The following RUFY3 variants were observed in gnomAD, a reference collection of about 807,000 sequenced individuals.
RUFY3 encodes the protein RUN and FYVE domain containing 3, also known as protein RUFY3.
RUFY3 carries 34 observed loss-of-function variants against 84.0 expected under a neutral mutation model. The observed-to-expected ratio is 0.40, with a 90% CI of 0.31 to 0.54. The LOEUF is 0.54. Among genes scored for constraint, RUFY3 ranks in the 20% least tolerant of loss-of-function variants. The pLI is 0.39. For synonymous variants in RUFY3, 242 were observed against 252.9 expected (o/e 0.96, Z 0.41); for missense variants, 507 against 736.8 (o/e 0.69, Z 3.61).
chr4:70,785,457 G>A (rs1016928557), intron 10 of RUFY3, among the ~76,000 whole-genome samples: 2 of 152,184 alleles, frequency 1.3e-5, no homozygotes, highest in Admixed American at 1.3e-4. Context: ...CAAGGATGTA[G>A]AGAAAGAGAA....
In RUFY3 at chr4:70,763,060, G is replaced by A. The variant is rs550949855; in HGVS notation, c.352+368G>A. Among the ~76,000 whole-genome samples the A allele has an allele frequency of 5.3e-5, 8 of 152,296 alleles. No individual in the cohort carries two copies. The East Asian group carries it at 1.5e-3, about 29-fold the overall frequency. ...CAGGTCTCCCGACTCTTGGGTCAGTGTTCTTTCCACTTAACTATAAGCTTT... is the reference window on the plus strand; with the variant it reads ...CAGGTCTCCCGACTCTTGGGTCAGTATTCTTTCCACTTAACTATAAGCTTT... On this transcript the variant is annotated intron_variant, in intron 2 of 17. Transcript: ENST00000381006.
intron 7 of RUFY3, among the ~76,000 whole-genome samples, chr4:70,776,039 G>T (rs150595272): frequency 4.0e-5 from 6 of 150,868 alleles, no homozygotes; most frequent in Non-Finnish European, 8.8e-5. Context: ...TATATAAATT[G>T]AATTTCTTTG....
intron 1 of RUFY3, among the ~76,000 whole-genome samples, chr4:70,749,470 A>G (rs1450935029): frequency 6.6e-6 from 1 of 151,892 alleles, no homozygotes; most frequent in African/African-American, 2.4e-5. Flanking sequence ...TATGAAAATA[A>G]TGGTTTTGGT....
chr4:70,716,939 G>C (rs1741697697), intron 1 of RUFY3, among the ~76,000 whole-genome samples: 1 of 151,482 alleles, frequency 6.6e-6, no homozygotes, highest in Non-Finnish European at 1.5e-5. Flanking sequence ...CTATAAGAAA[G>C]TTGAAAAAAA....
At chr4:70,793,548 T>G in intron 12 of RUFY3, 1 of 1,378,966 alleles carries the variant, frequency 7.3e-7, no homozygotes, top group Non-Finnish European at 9.4e-7. Flanking sequence ...ATAAAAAAAA[T>G]GGAAAATCAG....
intron 17 of RUFY3, 151 bp from the exon 18 acceptor site, chr4:70,806,365 G>T: frequency 3.7e-6 from 3 of 818,586 alleles, no homozygotes; most frequent in South Asian, 2.0e-5. Context: ...TTGTAGATTG[G>T]GCCTGTGTTC....
At chr4:70,729,402 G>A (rs1296338266) in intron 1 of RUFY3, among the ~76,000 whole-genome samples, 4 of 151,850 alleles carry the variant, frequency 2.6e-5, no homozygotes, top group Middle Eastern at 3.2e-3. Context: ...GATTACAGGC[G>A]CATACCACCA....
At chr4:70,724,640 A>C (rs1717922092) in intron 1 of RUFY3, among the ~76,000 whole-genome samples, 1 of 152,232 alleles carries the variant, frequency 6.6e-6, no homozygotes. Flanking sequence ...GTAATCAACT[A>C]TAGAGGATTT....
At chr4:70,704,233 A>G (rs1435505902), upstream of RUFY3, 4 of 152,228 alleles carry the variant, frequency 2.6e-5, no homozygotes, top group Admixed American at 6.5e-5. Flanking sequence ...AGCGCACAAG[A>G]CGGGAACAAA....
At position 70,792,092 on chromosome 4, in the gene RUFY3, G is replaced by T. The variant is rs1453763342; in HGVS notation, c.1338-1693G>T. The T allele has an allele frequency of 3.0e-6, 3 of 985,596 alleles. No individual in the cohort carries two copies. In the African/African-American group the frequency reaches 5.2e-5, roughly 17 times the overall value. The allele number at this position is 985,596 out of a possible 1,614,324, so 61.1% of individuals were successfully genotyped here. A position where few individuals can be genotyped will look rare whatever the true frequency, so the allele number is the denominator to read the frequency against. ...TTCCGCTTCCTACTTAGGCAGTTCA[G>T]AGAGAACAATTCTAATAAAAACACT... is the stretch of plus-strand genomic sequence containing the variant. On this transcript the variant is annotated intron_variant, in intron 12 of 17. Transcript: ENST00000381006.
chr4:70,799,123 C>T (rs1375617296), intron 14 of RUFY3, among the ~76,000 whole-genome samples: 74 of 139,386 alleles, frequency 5.3e-4, no homozygotes, highest in Non-Finnish European at 7.9e-4. Context: ...CCAGCCTGGG[C>T]GACAGAGCAA....
intron 1 of RUFY3, among the ~76,000 whole-genome samples, chr4:70,743,105 A>G (rs955903740): frequency 6.6e-6 from 1 of 152,018 alleles, no homozygotes; most frequent in Admixed American, 6.6e-5. Context: ...ATCTCACTCC[A>G]TCGTCCAGGC....
chr4:70,737,917 C>T (rs1354560047), intron 1 of RUFY3, among the ~76,000 whole-genome samples: 2 of 151,674 alleles, frequency 1.3e-5, no homozygotes, highest in African/African-American at 2.4e-5. Context: ...AAGTGATCTG[C>T]CTGCTTAGGC....
intron 13 of RUFY3, chr4:70,794,537 T>C (rs1731268935): frequency 7.5e-6 from 3 of 401,720 alleles, no homozygotes; most frequent in Non-Finnish European, 4.4e-6. Flanking sequence ...CCTGAGATCA[T>C]GCCACTGCAC....
At chr4:70,719,944 G>A (rs1258836315), upstream of RUFY3, among the ~76,000 whole-genome samples, 2 of 152,164 alleles carry the variant, frequency 1.3e-5, no homozygotes, top group Non-Finnish European at 2.9e-5. Flanking sequence ...TAGATGTAGG[G>A]TAATGATGAG....
chr4:70,747,102 A>G (rs932864890), intron 1 of RUFY3, among the ~76,000 whole-genome samples: 1 of 152,192 alleles, frequency 6.6e-6, no homozygotes, highest in Non-Finnish European at 1.5e-5. Flanking sequence ...ATTTCATGTG[A>G]TTCCTCAATT....
At chr4:70,749,358 A>G (rs1419678697) in intron 1 of RUFY3, among the ~76,000 whole-genome samples, 1 of 152,126 alleles carries the variant, frequency 6.6e-6, no homozygotes, top group Admixed American at 6.5e-5. Flanking sequence ...TGAAGAAGAA[A>G]TCAGTGTGTT....
chr4:70,794,602 G>A, intron 13 of RUFY3, 193 bp from the exon 14 acceptor site: 1 of 584,756 alleles, frequency 1.7e-6, no homozygotes, highest in Non-Finnish European at 3.0e-6. Context: ...AGATTAGACA[G>A]GTTAAATGTG....
intron 1 of RUFY3, among the ~76,000 whole-genome samples, chr4:70,731,929 A>G (rs891871036): frequency 6.6e-6 from 1 of 152,230 alleles, no homozygotes; most frequent in Admixed American, 6.5e-5. Flanking sequence ...TAGTAGCTAC[A>G]GGTAATCATT....
Sources: allele counts gnomAD v4.1 joint callset (sites outside exome capture counted in the v4.1 genomes callset), GRCh38; gene constraint gnomAD v4.1.1; transcripts MANE v1.5; gene names NCBI Gene and HGNC (gene_info 2026-07-23, HGNC 2026-07-21).